HACE1: variants seen among roughly 807,000 people sequenced by gnomAD.
HACE1 encodes HECT domain and ankyrin repeat containing E3 ubiquitin protein ligase 1.
A neutral mutation model predicts 118.4 loss-of-function variants in HACE1; 73 were observed. That is an observed-to-expected ratio of 0.62 (90% confidence interval 0.51 to 0.75). The LOEUF (loss-of-function observed/expected upper bound fraction) is 0.75. HACE1 is among the 30% of genes least tolerant of loss of function. HACE1 has a pLI of 0.00. For synonymous variants in HACE1, 368 were observed against 374.8 expected (o/e 0.98, Z 0.21); for missense variants, 749 against 1,102.2 (o/e 0.68, Z 4.54).
intron 10 of HACE1, among the ~76,000 whole-genome samples, chr6:104,792,081 G>A (rs1783080943): frequency 6.6e-6 from 1 of 152,098 alleles, no homozygotes; most frequent in Admixed American, 6.6e-5. Context: ...CTGTTTTAAC[G>A]AAGAAGCTAA....
intron 13 of HACE1, 44 bp downstream of exon 13, chr6:104,784,373 A>T: frequency 8.0e-7 from 1 of 1,252,104 alleles, no homozygotes; most frequent in Non-Finnish European, 1.2e-6. Context: ...GTAAGTAAAG[A>T]GAGGAAAGGC....
At chr6:104,758,606 T>C (rs1028399723) in intron 19 of HACE1, among the ~76,000 whole-genome samples, 20 of 152,094 alleles carry the variant, frequency 1.3e-4, no homozygotes, top group African/African-American at 4.8e-4. Flanking sequence ...AGCCAAACTG[T>C]AAAGACCATC....
chr6:104,837,451 T>A (rs1327294014), intron 5 of HACE1, among the ~76,000 whole-genome samples: 1 of 151,784 alleles, frequency 6.6e-6, no homozygotes, highest in African/African-American at 2.4e-5. Context: ...AAAAAAAGAG[T>A]AAACCTTGAC....
At chr6:104,749,796 A>G (rs1777843199) in intron 20 of HACE1, among the ~76,000 whole-genome samples, 1 of 152,144 alleles carries the variant, frequency 6.6e-6, no homozygotes, top group African/African-American at 2.4e-5. Flanking sequence ...ACAGTACAAT[A>G]AAGGCAAATT....
intron 7 of HACE1, among the ~76,000 whole-genome samples, chr6:104,806,360 G>A (rs1377157276): frequency 6.6e-6 from 1 of 152,142 alleles, no homozygotes; most frequent in Non-Finnish European, 1.5e-5. Context: ...TACTTGGGAG[G>A]CTGAGATGAG....
chr6:104,777,060 T>C lies in HACE1; in HGVS notation c.1729A>G (p.Lys577Glu). Reference sequence around the variant, plus strand: ...CGTACAGCAATCCCTTGCTTTAGCTTTGCACAATTTGCTTTTGACACAACT... The same window carrying C: ...CGTACAGCAATCCCTTGCTTTAGCTCTGCACAATTTGCTTTTGACACAACT... ...CEVVSKANCA[K>E]LKQGIAVRFH... The change falls in exon 16 of 24, where the codon AAG becomes GAG. Residue 577 changes from lysine (K) to glutamate (E), a missense_variant. Physicochemically the swap from Lys to Glu is moderately conservative, Grantham distance 56. Around this residue, in one of 5 missense-constraint regions of HACE1, gnomAD observed 195 missense variants for 322.1 expected, o/e 0.61. Transcript: ENST00000262903. 6.2e-7 allele frequency: 1 copy of C among 1,613,182 alleles called. No homozygotes were observed. The highest frequency in any genetic ancestry group is 8.5e-7 in the Non-Finnish European group (1 of 1,179,272).
At chr6:104,822,588 G>T (rs1344601952) in intron 6 of HACE1, among the ~76,000 whole-genome samples, 1 of 151,896 alleles carries the variant, frequency 6.6e-6, no homozygotes, top group East Asian at 1.9e-4. Flanking sequence ...CGAGCGCGGT[G>T]GCTCACACCT....
At chr6:104,760,930 G>A (rs1779285734) in intron 19 of HACE1, among the ~76,000 whole-genome samples, 2 of 152,222 alleles carry the variant, frequency 1.3e-5, no homozygotes, top group Middle Eastern at 3.4e-3. Flanking sequence ...CAAATCATGA[G>A]TGAACTTAAA....
At chr6:104,835,204 CT>C (rs1267017615) in intron 5 of HACE1, among the ~76,000 whole-genome samples, 1 of 152,170 alleles carries the variant, frequency 6.6e-6, no homozygotes, top group Non-Finnish European at 1.5e-5. Context: ...ACTGAAGCCT[CT>C]AGTGAACAAA....
chr6:104,754,072 T>C (rs1382116153), intron 19 of HACE1, among the ~76,000 whole-genome samples: 2 of 152,126 alleles, frequency 1.3e-5, no homozygotes, highest in African/African-American at 4.8e-5. Flanking sequence ...ACAGATCTAA[T>C]GGAGCTGAAA....
intron 4 of HACE1, among the ~76,000 whole-genome samples, chr6:104,848,580 C>A (rs1429749491): frequency 1.3e-5 from 2 of 151,782 alleles, no homozygotes; most frequent in South Asian, 2.1e-4. Flanking sequence ...TAAATAAAAA[C>A]TAATGTTAGC....
intron 5 of HACE1, 39 bp from the exon 6 acceptor site, chr6:104,833,212 T>C: frequency 6.3e-7 from 1 of 1,588,118 alleles, no homozygotes; most frequent in Non-Finnish European, 8.6e-7. Context: ...TGTGTAATAG[T>C]GTTTTATATA....
At chr6:104,741,065 G>A in intron 22 of HACE1, among the ~76,000 whole-genome samples, 1 of 117,430 alleles carries the variant, frequency 8.5e-6, no homozygotes, top group African/African-American at 4.2e-5. Flanking sequence ...AAAACCACAT[G>A]ATTATCTCAA....
chr6:104,765,448 A>G (rs1779888161), intron 19 of HACE1, among the ~76,000 whole-genome samples: 1 of 152,188 alleles, frequency 6.6e-6, no homozygotes, highest in Admixed American at 6.5e-5. Flanking sequence ...AGCTGTAGTC[A>G]GTGTCTTTCT....
intron 4 of HACE1, among the ~76,000 whole-genome samples, chr6:104,848,099 G>A (rs1195702847): frequency 1.3e-5 from 2 of 151,198 alleles, no homozygotes; most frequent in Admixed American, 6.6e-5. Context: ...TGATCCGCCC[G>A]CCTTGGCCTC....
Position 104,800,800 on chromosome 6 carries a change from AC to A in HACE1, c.618-3776del, listed in dbSNP as rs1345946761. On this transcript the variant is annotated intron_variant, in intron 7 of 23. Coordinates refer to ENST00000262903, the MANE Select transcript of HACE1 (RefSeq NM_020771.4). ...AGCCGAAAATTCTAAAAACCAGAGCACCTCTTCTCCTCCAACTGCTCACAGC... is the reference window on the plus strand; with the variant it reads ...AGCCGAAAATTCTAAAAACCAGAGCACTCTTCTCCTCCAACTGCTCACAGC... Among the ~76,000 whole-genome samples the A allele has an allele frequency of 2.0e-5, 3 of 152,156 alleles. No individual in the cohort carries two copies. In the East Asian group the frequency reaches 5.8e-4, roughly 29 times the overall value.
At chr6:104,775,036 C>A (rs923061233) in intron 17 of HACE1, among the ~76,000 whole-genome samples, 2 of 151,860 alleles carry the variant, frequency 1.3e-5, no homozygotes, top group African/African-American at 4.8e-5. Context: ...ATATGGCTTA[C>A]AAAAAAGATA....
intron 9 of HACE1, among the ~76,000 whole-genome samples, chr6:104,796,441 C>A (rs1769640615): frequency 6.6e-6 from 1 of 152,052 alleles, no homozygotes; most frequent in Non-Finnish European, 1.5e-5. Flanking sequence ...AGACCAAAGA[C>A]CCAGAGGGCA....
At chr6:104,765,201 A>G (rs1779854131) in intron 19 of HACE1, among the ~76,000 whole-genome samples, 1 of 152,194 alleles carries the variant, frequency 6.6e-6, no homozygotes, top group African/African-American at 2.4e-5. Context: ...GGGAATAACA[A>G]AGTCTTGCAG....
Sources: gnomAD v4.1 joint callset for allele counts (sites outside exome capture counted in the v4.1 genomes callset) on GRCh38, gnomAD v4.1.1 for gene constraint, gnomAD v4.1.1 regional missense constraint, MANE v1.5 for transcripts, NCBI Gene and HGNC (gene_info 2026-07-23, HGNC 2026-07-21) for gene names.